The following SLC35G4 variants were observed in gnomAD, a reference collection of about 807,000 sequenced individuals.
SLC35G4 encodes acyl-malonyl-condensing enzyme 1-like protein 1.
SLC35G4 carries 12 observed loss-of-function variants against 15.8 expected under a neutral mutation model. That is an observed-to-expected ratio of 0.76 (90% confidence interval 0.49 to 1.23). The LOEUF (loss-of-function observed/expected upper bound fraction) is 1.23, where lower values mean the gene tolerates loss of function less well. Among genes scored for constraint, SLC35G4 ranks in the 50% most tolerant of loss-of-function variants. The probability of loss-of-function intolerance (pLI) is 0.00; values close to 1 mark genes in which losing one functional copy is unlikely to be tolerated. For synonymous variants in SLC35G4, 177 were observed against 186.5 expected, an observed-to-expected ratio of 0.95 and a Z score of 0.41; for missense variants, 390 against 422.1, an observed-to-expected ratio of 0.92 and a Z score of 0.67.
Position 11,609,991 on chromosome 18 carries a change from T to A in SLC35G4, c.396T>A (p.Thr132=). 6.2e-7 allele frequency: 1 copy of A among 1,613,986 alleles called. No homozygotes were observed. The highest frequency in any genetic ancestry group is 1.3e-5 in the African/African-American group (1 of 75,056). ...VQVVPTGNAA[T]VRKHSSTVCS... ...TGGTGCCCACTGGCAATGCTGCCAC[T>A]GTTCGCAAACATTCTTCCACCGTCT... Residue 132 remains threonine, a synonymous_variant, in exon 1 of 1, where the codon ACT becomes ACA. Coordinates refer to ENST00000588001, the MANE Select transcript of SLC35G4 (RefSeq NM_001282300.2).
chr18:11,610,498 C>G lies in SLC35G4; in HGVS notation c.903C>G (p.Leu301=). ...CCCTTATACTGCAGTATTTTATGCT[C>G]CATGAGACTGTGGCACCTTCTGACA... ...VMALILQYFM[L]HETVAPSDIM... is the part of the protein sequence containing the mutation. The change falls in exon 1 of 1, where the codon CTC becomes CTG. Residue 301 remains leucine, a synonymous_variant. Coordinates refer to ENST00000588001, the MANE Select transcript of SLC35G4 (RefSeq NM_001282300.2). 4 of 1,498,412 alleles carry G rather than the reference C, an allele frequency of 2.7e-6. No homozygotes were observed. Among genetic ancestry groups the G allele is most frequent in the Non-Finnish European group, 3.6e-6 (4 of 1,105,814 alleles). 92.8% of individuals were successfully genotyped at this position (1,498,412 alleles called of 1,614,324 possible). A position where few individuals can be genotyped will look rare whatever the true frequency, so the allele number is the denominator to read the frequency against.
In SLC35G4 at chr18:11,610,021, C is replaced by T. The variant is rs558809597; in HGVS notation, c.426C>T (p.Ser142=). 105 of 1,613,956 alleles carry T rather than the reference C, an allele frequency of 6.5e-5. No individual in the cohort carries two copies. Among genetic ancestry groups the T allele is most frequent in the South Asian group, 8.8e-5 (8 of 91,080 alleles). The change falls in exon 1 of 1, where the codon TCC becomes TCT. Residue 142 remains serine, a synonymous_variant. Coordinates refer to ENST00000588001, the MANE Select transcript of SLC35G4 (RefSeq NM_001282300.2). ...TVRKHSSTVC[S]AILTLCLESQ... is the part of the protein sequence containing the mutation. ...GCAAACATTCTTCCACCGTCTGCTC[C>T]GCCATCCTCACCCTCTGCCTTGAGA...
rs142215313 is a variant in SLC35G4, at chr18:11,609,928, C to A, written c.333C>A (p.Asn111Lys). The A allele has an allele frequency of 2.5e-6, 4 of 1,613,892 alleles. No individual in the cohort carries two copies. The highest frequency in any genetic ancestry group is 2.7e-5 in the African/African-American group (2 of 74,934). The stretch of plus-strand genomic sequence containing the variant: ...GCACCTGCTTCTGTGCCCTGCTCAA[C>A]GTCCTCAACATTGGATGTGCCTATA... ...RGRTCFCALL[N>K]VLNIGCAYSA... The change falls in exon 1 of 1, where the codon AAC becomes AAA. Residue 111 changes from asparagine to lysine, a missense_variant. Coordinates refer to ENST00000588001, the MANE Select transcript of SLC35G4 (RefSeq NM_001282300.2).
In SLC35G4 at chr18:11,609,688, C is replaced by T. The variant is rs2029964766; in HGVS notation, c.93C>T (p.Cys31=). 2 of 1,613,928 alleles carry T rather than the reference C, an allele frequency of 1.2e-6. No homozygotes were observed. Among genetic ancestry groups the T allele is most frequent in the Non-Finnish European group, 8.5e-7 (1 of 1,180,030 alleles). Residue 31 remains cysteine (C), a synonymous_variant, in exon 1 of 1, where the codon TGC becomes TGT. Transcript: ENST00000588001. ...CCAGCCTCCACTGGCACCAGCGCTG[C>T]CAGCCCTCTGATGCCACCAATGGCC... The part of the protein sequence containing the change: ...TPPSLHWHQR[C]QPSDATNGLL...
chr18:11,610,459 C>T lies in SLC35G4; in HGVS notation c.864C>T (p.Ser288=), dbSNP rs768749096. 50 of 1,556,616 alleles carry T rather than the reference C, an allele frequency of 3.2e-5. 1 individual carries two copies. The highest frequency in any genetic ancestry group is 6.1e-5 in the African/African-American group (4 of 65,830). Residue 288 remains serine (S), a synonymous_variant, in exon 1 of 1, where the codon TCC becomes TCT. Transcript: ENST00000588001. The part of the protein sequence containing the change: ...HPALVCAVLH[S]EVVMALILQY... ...CCCTGGTGTGTGCTGTCCTGCATTC[C>T]GAGGTGGTGATGGCCCTTATACTGC...
chr18:11,609,642 C>G lies in SLC35G4; in HGVS notation c.47C>G (p.Pro16Arg). 6.2e-7 allele frequency: 1 copy of G among 1,612,490 alleles called. No homozygotes were observed. Among genetic ancestry groups the G allele is most frequent in the Non-Finnish European group, 8.5e-7 (1 of 1,179,110 alleles). Reference sequence around the variant, plus strand: ...TTCAACCTGCCTGACTCCACACACCCATCGCCGCCCTCCACTCCACCCAGC... The same window carrying G: ...TTCAACCTGCCTGACTCCACACACCGATCGCCGCCCTCCACTCCACCCAGC... Reference protein sequence around the residue: ...PYFNLPDSTHPSPPSTPPSLH... With the variant: ...PYFNLPDSTHRSPPSTPPSLH... The change falls in exon 1 of 1, where the codon CCA becomes CGA. Residue 16 changes from proline to arginine, a missense_variant. By Grantham distance (103) the Pro-to-Arg change is moderately radical. This residue lies in a region of SLC35G4 where 331 missense variants were observed against 241.1 expected (regional missense o/e 1.37). Transcript: ENST00000588001.
At position 11,609,609 on chromosome 18, in the gene SLC35G4, A is replaced by C. The variant is rs1315838717; in HGVS notation, c.14A>C (p.His5Pro). 6.3e-7 allele frequency: 1 copy of C among 1,595,884 alleles called. No homozygotes were observed. The highest frequency in any genetic ancestry group is 1.7e-5 in the Admixed American group (1 of 58,090). The change falls in exon 1 of 1, where the codon CAC (histidine) becomes CCC (proline). Residue 5 changes from histidine to proline, a missense_variant. Around this residue, in one of 2 missense-constraint regions of SLC35G4, gnomAD observed 331 missense variants for 241.1 expected, o/e 1.37. Transcript: ENST00000588001. MAGS[H>P]PYFNLPDSTH... ...GTCCAAGGAAAGATGGCTGGCAGTC[A>C]CCCCTACTTCAACCTGCCTGACTCC...
In SLC35G4 at chr18:11,609,705, C is replaced by T; in HGVS notation, c.110C>T (p.Thr37Ile). The change falls in exon 1 of 1, where the codon ACC (threonine) becomes ATC (isoleucine). Residue 37 changes from threonine to isoleucine, a missense_variant. Transcript: ENST00000588001. The part of the protein sequence containing the change: ...WHQRCQPSDA[T>I]NGLLVALLGG... Reference sequence around the variant, plus strand: ...CAGCGCTGCCAGCCCTCTGATGCCACCAATGGCCTGCTGGTGGCCCTGCTG... The same window carrying T: ...CAGCGCTGCCAGCCCTCTGATGCCATCAATGGCCTGCTGGTGGCCCTGCTG... 2 of 1,613,970 alleles carry T rather than the reference C, an allele frequency of 1.2e-6. No homozygotes were observed. The highest frequency in any genetic ancestry group is 1.7e-6 in the Non-Finnish European group (2 of 1,180,002).
Sources: gnomAD v4.1 joint callset for allele counts on GRCh38, gnomAD v4.1.1 for gene constraint, gnomAD v4.1.1 regional missense constraint, MANE v1.5 for transcripts, NCBI Gene and HGNC (gene_info 2026-07-23, HGNC 2026-07-21) for gene names.